The following PBX3 variants were observed in gnomAD, a reference collection of about 807,000 sequenced individuals.
PBX3 encodes pre-B-cell leukemia transcription factor 3.
PBX3 carries 14 observed loss-of-function variants against 48.5 expected under a neutral mutation model. The observed-to-expected ratio is 0.29, with a 90% confidence interval of 0.19 to 0.45. The LOEUF (loss-of-function observed/expected upper bound fraction) is 0.45, where lower values mean the gene tolerates loss of function less well. Among genes scored for constraint, PBX3 ranks in the 20% least tolerant of loss-of-function variants. The pLI is 1.00. For missense variants in PBX3, 386 were observed against 546.7 expected (o/e 0.71, Z 2.93); for synonymous variants, 210 against 200.3 (o/e 1.05, Z -0.41).
chr9:125,915,472 A>G (rs557488319), intron 2 of PBX3, among the ~76,000 whole-genome samples: 1 of 152,188 alleles, frequency 6.6e-6, no homozygotes, highest in East Asian at 1.9e-4. Flanking sequence ...GTGGGGGGGT[A>G]TTTAAAATTC....
At position 125,884,957 on chromosome 9, in the gene PBX3, T is replaced by G. The variant is rs555438113; in HGVS notation, c.275-30729T>G. On this transcript the variant is annotated intron_variant, in intron 2 of 8. Coordinates refer to ENST00000373489, the MANE Select transcript of PBX3 (RefSeq NM_006195.6). Reference sequence around the variant, plus strand: ...ATTACAAATTTGAGCATGAGAAATATCTTCATTTGCCCATTGAATGATAAT... The same window carrying G: ...ATTACAAATTTGAGCATGAGAAATAGCTTCATTTGCCCATTGAATGATAAT... 1.3e-3 allele frequency among the ~76,000 whole-genome samples: 204 copies of G among 152,292 alleles called. 1 individual carries two copies. Among genetic ancestry groups the G allele is most frequent in the African/African-American group, 4.6e-3 (193 of 41,568 alleles).
intron 2 of PBX3, among the ~76,000 whole-genome samples, chr9:125,888,176 A>C (rs1201385632): frequency 6.6e-6 from 1 of 152,122 alleles, no homozygotes; most frequent in Non-Finnish European, 1.5e-5. Context: ...TTAAGAGATT[A>C]AAAATGACTT....
intron 2 of PBX3, among the ~76,000 whole-genome samples, chr9:125,859,473 T>C (rs528912752): frequency 6.6e-6 from 1 of 152,304 alleles, no homozygotes; most frequent in African/African-American, 2.4e-5. Flanking sequence ...ACTTTATGCT[T>C]ATGTTTGGTG....
intron 2 of PBX3, among the ~76,000 whole-genome samples, chr9:125,838,741 A>G (rs1839208309): frequency 6.6e-6 from 1 of 152,244 alleles, no homozygotes; most frequent in Non-Finnish European, 1.5e-5. Context: ...AGCTCTTTGT[A>G]CCAAAGTACG....
intron 3 of PBX3, among the ~76,000 whole-genome samples, chr9:125,923,337 A>T (rs1431919841): frequency 1.3e-5 from 2 of 152,306 alleles, no homozygotes; most frequent in African/African-American, 2.4e-5. Flanking sequence ...CGTGTCATAG[A>T]TGTATGTTAC....
At chr9:125,806,035 A>G (rs898478510) in intron 2 of PBX3, among the ~76,000 whole-genome samples, 3 of 152,214 alleles carry the variant, frequency 2.0e-5, no homozygotes, top group Non-Finnish European at 4.4e-5. Context: ...TAAATGTATG[A>G]TAACTGCTTG....
At chr9:125,892,319 T>C (rs1212892892) in intron 2 of PBX3, among the ~76,000 whole-genome samples, 3 of 152,228 alleles carry the variant, frequency 2.0e-5, no homozygotes, top group African/African-American at 4.8e-5. Flanking sequence ...ATTTACATAA[T>C]GGTTTGCTTT....
At chr9:125,884,269 A>G (rs1300182361) in intron 2 of PBX3, among the ~76,000 whole-genome samples, 1 of 152,216 alleles carries the variant, frequency 6.6e-6, no homozygotes, top group African/African-American at 2.4e-5. Context: ...GTTGTCTACA[A>G]GAGTTTTAAG....
intron 2 of PBX3, among the ~76,000 whole-genome samples, chr9:125,827,463 CAT>C (rs1838840601): frequency 6.6e-6 from 1 of 152,086 alleles, no homozygotes. Flanking sequence ...ATATTCTTCT[CAT>C]GTGAAAAATG....
At chr9:125,785,646 C>T (rs947770839) in intron 2 of PBX3, among the ~76,000 whole-genome samples, 1 of 152,302 alleles carries the variant, frequency 6.6e-6, no homozygotes, top group African/African-American at 2.4e-5. Context: ...GACTTCACCT[C>T]GTGATCATGT....
chr9:125,766,505 G>A (rs1314480492), intron 2 of PBX3, among the ~76,000 whole-genome samples: 1 of 152,078 alleles, frequency 6.6e-6, no homozygotes, highest in African/African-American at 2.4e-5. Flanking sequence ...CTGTTTTCTA[G>A]TGAGGAAATA....
At chr9:125,820,276 A>C (rs574273004) in intron 2 of PBX3, among the ~76,000 whole-genome samples, 1 of 152,216 alleles carries the variant, frequency 6.6e-6, no homozygotes, top group African/African-American at 2.4e-5. Context: ...GCTTCACCCA[A>C]ATAGATTGTG....
intron 2 of PBX3, among the ~76,000 whole-genome samples, chr9:125,876,807 T>C (rs1434732212): frequency 6.7e-6 from 1 of 149,518 alleles, no homozygotes; most frequent in Non-Finnish European, 1.5e-5. Flanking sequence ...TCTTTCTTTT[T>C]TTTTTTTTTT....
Position 125,965,993 on chromosome 9 carries a change from A to C in PBX3, c.*70A>C. The C allele has an allele frequency of 7.5e-6, 9 of 1,198,804 alleles. No individual in the cohort carries two copies. The highest frequency in any genetic ancestry group is 4.1e-4 in the Middle Eastern group (2 of 4,876). 74.3% of individuals were successfully genotyped at this position (1,198,804 alleles called of 1,614,324 possible). A position where few individuals can be genotyped will look rare whatever the true frequency, so the allele number is the denominator to read the frequency against. ...ATTCAGAGCAATAGGAGGAAAAGGAAAGCGTTTTTGTAGCCCACCATCTAC... is the reference window on the plus strand; with the variant it reads ...ATTCAGAGCAATAGGAGGAAAAGGACAGCGTTTTTGTAGCCCACCATCTAC... On this transcript the variant is annotated 3_prime_UTR_variant, in exon 9 of 9. Coordinates refer to ENST00000373489, the MANE Select transcript of PBX3 (RefSeq NM_006195.6).
chr9:125,819,351 A>G (rs1281764127), intron 2 of PBX3, among the ~76,000 whole-genome samples: 1 of 151,640 alleles, frequency 6.6e-6, no homozygotes, highest in Non-Finnish European at 1.5e-5. Flanking sequence ...ACATGGAGAA[A>G]CCCTGACTCT....
chr9:125,888,931 G>C (rs1216501719), intron 2 of PBX3, among the ~76,000 whole-genome samples: 1 of 152,168 alleles, frequency 6.6e-6, no homozygotes, highest in African/African-American at 2.4e-5. Context: ...GGATGATTAT[G>C]AGTATGAAGT....
chr9:125,882,775 A>G (rs1424384999), intron 2 of PBX3, among the ~76,000 whole-genome samples: 1 of 152,204 alleles, frequency 6.6e-6, no homozygotes, highest in African/African-American at 2.4e-5. Context: ...GCATGTAGAT[A>G]TGGTCTGTAG....
At chr9:125,937,016 T>C (rs564035306) in intron 5 of PBX3, among the ~76,000 whole-genome samples, 1 of 152,356 alleles carries the variant, frequency 6.6e-6, no homozygotes, top group East Asian at 1.9e-4. Flanking sequence ...CACCGGATGA[T>C]GATGCCACGC....
At chr9:125,848,985 C>CT (rs937659468) in intron 2 of PBX3, among the ~76,000 whole-genome samples, 67 of 152,012 alleles carry the variant, frequency 4.4e-4, no homozygotes, top group African/African-American at 1.6e-3. Flanking sequence ...GCCAGGTACT[C>CT]TATTAAGAAT....
Sources: allele counts gnomAD v4.1 joint callset (sites outside exome capture counted in the v4.1 genomes callset), GRCh38; gene constraint gnomAD v4.1.1; transcripts MANE v1.5; gene names NCBI Gene and HGNC (gene_info 2026-07-23, HGNC 2026-07-21).